Variants in DEPDC1 observed in about 807,000 individuals in gnomAD.
DEPDC1 encodes DEP domain-containing protein 1A.
Under a neutral mutation model 86.8 loss-of-function variants are expected in DEPDC1, and 66 were observed. The ratio of observed to expected loss-of-function variants is 0.76; its 90% CI spans 0.62 to 0.93. DEPDC1 has a LOEUF of 0.93. Among genes scored for constraint, DEPDC1 ranks in the 40% least tolerant of loss-of-function variants. The probability of loss-of-function intolerance (pLI) is 0.00; values close to 1 mark genes in which losing one functional copy is unlikely to be tolerated. For synonymous variants in DEPDC1, 255 were observed against 314.9 expected (o/e 0.81, Z 2.02); for missense variants, 792 against 935.7 (o/e 0.85, Z 2.00).
At chr1:68,479,747 G>A (rs1484335015) in intron 9 of DEPDC1, among the ~76,000 whole-genome samples, 2 of 151,236 alleles carry the variant, frequency 1.3e-5, no homozygotes, top group East Asian at 3.9e-4. Flanking sequence ...AGGGTGCAGT[G>A]AGCTATGATC....
rs1218536484 is a variant in DEPDC1, at chr1:68,477,834, T to G, written c.2251A>C (p.Lys751Gln). The change falls in exon 11 of 12, where the codon AAA becomes CAA. Residue 751 changes from lysine (K) to glutamine (Q), a missense_variant. By Grantham distance (53) the Lys-to-Gln change is moderately conservative. Coordinates refer to ENST00000456315, the MANE Select transcript of DEPDC1 (RefSeq NM_001114120.3). ...TCCTTTAGAGGTAAACTCCTGTTTT[T>G]AATAATATTTTCTAAAAGTTCTGCA... Reference protein sequence around the residue: ...AIAELLENIIKNRSLPLKEKR... With the variant: ...AIAELLENIIQNRSLPLKEKR... 5 of 1,575,830 alleles carry G rather than the reference T, an allele frequency of 3.2e-6. No homozygotes were observed. Among genetic ancestry groups the G allele is most frequent in the Non-Finnish European group, 3.4e-6 (4 of 1,161,326 alleles).
At position 68,482,331 on chromosome 1, in the gene DEPDC1, C is replaced by T. The variant is rs890621786; in HGVS notation, c.1477G>A (p.Asp493Asn). ...TTCCCATTACACAACTCCTCTTGGT[C>T]TTGAACAGTCAAAGTAGAGGTTCTC... ...FKRTSTLTVQ[D>N]QEELCNGKCK... Residue 493 changes from aspartate (D) to asparagine (N), a missense_variant, in exon 8 of 12, where the codon GAC (aspartate) becomes AAC (asparagine). Physicochemically the swap from Asp to Asn is conservative, Grantham distance 23 (BLOSUM62 1). Coordinates refer to ENST00000456315, the MANE Select transcript of DEPDC1 (RefSeq NM_001114120.3). 6.2e-7 allele frequency: 1 copy of T among 1,612,918 alleles called. No individual in the cohort carries two copies.
chr1:68,490,591 G>A (rs754507322), intron 2 of DEPDC1, among the ~76,000 whole-genome samples: 1 of 152,134 alleles, frequency 6.6e-6, no homozygotes, highest in Non-Finnish European at 1.5e-5. Flanking sequence ...ATGACAGAAT[G>A]ATTTATATTC....
chr1:68,482,914 C>A lies in DEPDC1; in HGVS notation c.911-17G>T. The A allele has an allele frequency of 1.3e-6, 2 of 1,535,628 alleles. No homozygotes were observed. Among genetic ancestry groups the A allele is most frequent in the Non-Finnish European group, 8.7e-7 (1 of 1,147,104 alleles). The stretch of plus-strand genomic sequence containing the variant: ...CACAAACAACTACCAGGAAATGAAA[C>A]AAAAATTAAGATGCAACTGTATGAC... On this transcript the variant is annotated splice_polypyrimidine_tract_variant and intron_variant, in intron 7 of 11. Transcript: ENST00000456315.
At position 68,479,304 on chromosome 1, in the gene DEPDC1, G is replaced by C; in HGVS notation, c.1952C>G (p.Ser651Cys). 2 of 1,601,422 alleles carry C rather than the reference G, an allele frequency of 1.2e-6. No homozygotes were observed. Among genetic ancestry groups the C allele is most frequent in the Non-Finnish European group, 1.7e-6 (2 of 1,175,192 alleles). Residue 651 changes from serine to cysteine, a missense_variant, in exon 10 of 12, where the codon TCT becomes TGT. By Grantham distance (112) the Ser-to-Cys change is moderately radical. Transcript: ENST00000456315. The part of the protein sequence containing the change: ...GTRSLMIHTF[S>C]RCVLCCAEEV... ...TTCAGCACAGCATAACACACATCGA[G>C]AAAAGGTATGTATCATCTAGAAAAA...
At chr1:68,490,177 A>T (rs1646220203) in intron 2 of DEPDC1, among the ~76,000 whole-genome samples, 1 of 152,194 alleles carries the variant, frequency 6.6e-6, no homozygotes, top group Non-Finnish European at 1.5e-5. Flanking sequence ...TTACATAAGT[A>T]AACTTGTGTT....
At chr1:68,487,095 C>T (rs1646198139) in intron 5 of DEPDC1, 111 bp from the exon 6 acceptor site, 2 of 861,710 alleles carry the variant, frequency 2.3e-6, no homozygotes, top group African/African-American at 1.8e-5. Flanking sequence ...CATACACATA[C>T]ATGTTACATT....
intron 1 of DEPDC1, 54 bp from the exon 2 acceptor site, chr1:68,494,749 ATTGAT>A (rs1646253485): frequency 4.2e-6 from 6 of 1,435,092 alleles, no homozygotes; most frequent in Middle Eastern, 1.8e-4. Flanking sequence ...TAAATCTCAT[ATTGAT>A]TTGAAGTACA....
chr1:68,477,154 G>A, intron 11 of DEPDC1, 85 bp from the exon 12 acceptor site: 1 of 1,204,938 alleles, frequency 8.3e-7, no homozygotes, highest in South Asian at 1.6e-5. Flanking sequence ...AGAATTCAGT[G>A]TTTTTCTCAA....
chr1:68,490,703 C>T (rs1457074089), intron 2 of DEPDC1, among the ~76,000 whole-genome samples: 1 of 151,962 alleles, frequency 6.6e-6, no homozygotes, highest in Non-Finnish European at 1.5e-5. Flanking sequence ...TCATATGGAA[C>T]CAAAAAGAGC....
intron 9 of DEPDC1, among the ~76,000 whole-genome samples, chr1:68,480,236 C>T (rs1316389996): frequency 2.3e-5 from 2 of 88,222 alleles, no homozygotes; most frequent in South Asian, 3.2e-4. Context: ...TATATCTATG[C>T]AACCCTCTAA....
rs1241982779 is a variant in DEPDC1, at chr1:68,476,737, T to G, written c.*195A>C. Reference sequence around the variant, plus strand: ...AAAAAGTATTTGGTATCATCTATTGTTATGTGCTCTCAATTGAGATCTAGT... The same window carrying G: ...AAAAAGTATTTGGTATCATCTATTGGTATGTGCTCTCAATTGAGATCTAGT... On this transcript the variant is annotated 3_prime_UTR_variant, in exon 12 of 12. Coordinates refer to ENST00000456315, the MANE Select transcript of DEPDC1 (RefSeq NM_001114120.3). 16 of 487,106 alleles carry G rather than the reference T, an allele frequency of 3.3e-5. No homozygotes were observed. The highest frequency in any genetic ancestry group is 7.2e-6 in the Non-Finnish European group (2 of 278,232). The allele number at this position is 487,106 out of a possible 1,614,324, so 30.2% of individuals were successfully genotyped here. A position where few individuals can be genotyped will look rare whatever the true frequency, so the allele number is the denominator to read the frequency against.
intron 8 of DEPDC1, 145 bp from the exon 9 acceptor site, chr1:68,481,757 G>C: frequency 1.4e-6 from 1 of 704,732 alleles, no homozygotes; most frequent in Non-Finnish European, 2.2e-6. Context: ...TTCCTCTAAA[G>C]CATGGTAAGA....
At position 68,488,403 on chromosome 1, in the gene DEPDC1, C is replaced by T. The variant is rs201112841; in HGVS notation, c.692G>A (p.Arg231His). ...IMYNMANTSK[R>H]GVVILQNKSD... ...TTTGTTTTGTAGTATAACTACTCCA[C>T]GTTTACTTGTATTGGCCATGTTGTA... Residue 231 changes from arginine to histidine, a missense_variant, in exon 5 of 12, where the codon CGT (arginine) becomes CAT (histidine). Transcript: ENST00000456315. The T allele has an allele frequency of 2.6e-5, 42 of 1,595,822 alleles. No homozygotes were observed. The highest frequency in any genetic ancestry group is 1.1e-5 in the Non-Finnish European group (13 of 1,174,350).
intron 9 of DEPDC1, 58 bp downstream of exon 9, chr1:68,481,382 G>C: frequency 6.8e-7 from 1 of 1,463,990 alleles, no homozygotes; most frequent in South Asian, 1.2e-5. Flanking sequence ...TACGTAGTTT[G>C]GTTTTGTTAT....
intron 9 of DEPDC1, among the ~76,000 whole-genome samples, 184 bp downstream of exon 9, chr1:68,481,256 C>G (rs763524432): frequency 1.3e-5 from 2 of 151,974 alleles, no homozygotes; most frequent in Admixed American, 6.6e-5. Context: ...GAAAGTATAA[C>G]AGAGTGTGCA....
Position 68,474,640 on chromosome 1 carries a change from G to A in DEPDC1, c.*2292C>T, listed in dbSNP as rs1470889214. 5 of 151,830 alleles carry A rather than the reference G, an allele frequency of 3.3e-5. No homozygotes were observed. The highest frequency in any genetic ancestry group is 5.9e-5 in the Non-Finnish European group (4 of 67,914). The allele number at this position is 151,830 out of a possible 1,614,324, so 9.4% of individuals were successfully genotyped here. ...CTCTTTACTTGTAGCAGTTGATTTT[G>A]CTTCTTATATCCCGAGAAAGCAACT... On this transcript the variant is annotated 3_prime_UTR_variant, in exon 12 of 12. Coordinates refer to ENST00000456315, the MANE Select transcript of DEPDC1 (RefSeq NM_001114120.3).
chr1:68,490,678 A>T (rs965228096), intron 2 of DEPDC1, among the ~76,000 whole-genome samples: 1 of 152,154 alleles, frequency 6.6e-6, no homozygotes, highest in African/African-American at 2.4e-5. Flanking sequence ...GAATCATTAT[A>T]CTGTTGTCCA....
chr1:68,488,691 C>T (rs1225666769), intron 4 of DEPDC1, among the ~76,000 whole-genome samples, 187 bp from the exon 5 acceptor site: 1 of 151,704 alleles, frequency 6.6e-6, no homozygotes, highest in Non-Finnish European at 1.5e-5. Context: ...ATATCCCAAA[C>T]TATGGCCATA....
Sources: gnomAD v4.1 joint callset for allele counts (sites outside exome capture counted in the v4.1 genomes callset) on GRCh38, gnomAD v4.1.1 for gene constraint, MANE v1.5 for transcripts, NCBI Gene and HGNC (gene_info 2026-07-23, HGNC 2026-07-21) for gene names.